The following CTNNA3 variants were observed in gnomAD, a reference collection of about 807,000 sequenced individuals.
CTNNA3 encodes catenin alpha 3.
A neutral mutation model predicts 95.7 loss-of-function variants in CTNNA3; 76 were observed. The ratio of observed to expected loss-of-function variants is 0.79; its 90% confidence interval spans 0.66 to 0.96. The LOEUF (loss-of-function observed/expected upper bound fraction) is 0.96. CTNNA3 is among the 40% of genes least tolerant of loss of function. The probability of loss-of-function intolerance (pLI) is 0.00; values close to 1 mark genes in which losing one functional copy is unlikely to be tolerated. For missense variants in CTNNA3, 1,191 were observed against 1,089.8 expected, an observed-to-expected ratio of 1.09 and a Z score of -1.31; for synonymous variants, 431 against 374.4, an observed-to-expected ratio of 1.15 and a Z score of -1.74.
chr10:66,870,417 A>G (rs1185154149), intron 7 of CTNNA3, among the ~76,000 whole-genome samples: 1 of 152,228 alleles, frequency 6.6e-6, no homozygotes, highest in Non-Finnish European at 1.5e-5. Flanking sequence ...ATCCTACACA[A>G]TCTAATATAA....
At chr10:66,443,037 G>C (rs2093387523) in intron 11 of CTNNA3, among the ~76,000 whole-genome samples, 1 of 152,174 alleles carries the variant, frequency 6.6e-6, no homozygotes, top group Non-Finnish European at 1.5e-5. Flanking sequence ...AGGGTCCTAT[G>C]CCCACAGAGT....
chr10:66,422,154 A>G (rs1262353128), intron 11 of CTNNA3, among the ~76,000 whole-genome samples: 2 of 152,006 alleles, frequency 1.3e-5, no homozygotes, highest in African/African-American at 4.8e-5. Context: ...TTACTTTATA[A>G]TCCTCAAGTT....
At chr10:66,253,664 T>G (rs2090647268) in intron 13 of CTNNA3, among the ~76,000 whole-genome samples, 1 of 152,166 alleles carries the variant, frequency 6.6e-6, no homozygotes, top group Non-Finnish European at 1.5e-5. Flanking sequence ...TTGCATTTTT[T>G]AGGTGTTCAA....
intron 12 of CTNNA3, among the ~76,000 whole-genome samples, chr10:66,332,132 A>C (rs2092338049): frequency 6.6e-6 from 1 of 152,022 alleles, no homozygotes. Context: ...CTATCAGCTT[A>C]AGGAGATTGT....
chr10:66,143,547 T>C (rs1233680240), intron 13 of CTNNA3, among the ~76,000 whole-genome samples: 1 of 152,174 alleles, frequency 6.6e-6, no homozygotes, highest in African/African-American at 2.4e-5. Flanking sequence ...AAAACTAAAA[T>C]GTTTAAAGCT....
intron 14 of CTNNA3, among the ~76,000 whole-genome samples, chr10:66,100,502 T>C (rs116118906): frequency 1.5e-3 from 236 of 152,330 alleles, no homozygotes; most frequent in African/African-American, 5.5e-3. Context: ...GTCAGGGATC[T>C]ATCTTGTCAC....
At chr10:66,326,085 A>G (rs1366462933) in intron 12 of CTNNA3, among the ~76,000 whole-genome samples, 1 of 152,140 alleles carries the variant, frequency 6.6e-6, no homozygotes, top group Non-Finnish European at 1.5e-5. Flanking sequence ...GCTCAATCCA[A>G]CTAATACAAG....
At chr10:66,820,457 T>A (rs993240892) in intron 7 of CTNNA3, among the ~76,000 whole-genome samples, 2 of 152,030 alleles carry the variant, frequency 1.3e-5, no homozygotes, top group East Asian at 1.9e-4. Context: ...ATTATACAAT[T>A]TAATGTGATG....
At chr10:66,604,788 C>CA (rs56886409) in intron 10 of CTNNA3, among the ~76,000 whole-genome samples, 34,806 of 135,854 alleles carry the variant, frequency 0.26, 5,760 homozygotes, top group East Asian at 0.49. Flanking sequence ...AGGATAAAAG[C>CA]AAAAAAAAAA....
intron 7 of CTNNA3, chr10:67,097,800 A>G (rs1219251035): frequency 2.5e-6 from 4 of 1,611,824 alleles, no homozygotes; most frequent in Non-Finnish European, 3.4e-6. Context: ...AGCTTAACTG[A>G]GATCATTGGT....
intron 7 of CTNNA3, among the ~76,000 whole-genome samples, chr10:66,947,294 T>C (rs1848322776): frequency 6.6e-6 from 1 of 152,178 alleles, no homozygotes; most frequent in African/African-American, 2.4e-5. Context: ...ATTTCTTGAG[T>C]TGTTCTGAGG....
chr10:66,966,921 C>T (rs1431597683), intron 7 of CTNNA3, among the ~76,000 whole-genome samples: 1 of 151,998 alleles, frequency 6.6e-6, no homozygotes, highest in Non-Finnish European at 1.5e-5. Context: ...GTTTCAAATT[C>T]AACTAAATGG....
chr10:67,089,715 A>ATGTGTGTGTG (rs775306401), intron 7 of CTNNA3, among the ~76,000 whole-genome samples: 2 of 93,264 alleles, frequency 2.1e-5, no homozygotes, highest in Non-Finnish European at 2.3e-5. Flanking sequence ...GTGTATATAC[A>ATGTGTGTGTG]TATGTGTGTG....
intron 9 of CTNNA3, among the ~76,000 whole-genome samples, chr10:66,752,196 T>C (rs770344046): frequency 6.6e-6 from 1 of 152,172 alleles, no homozygotes; most frequent in Non-Finnish European, 1.5e-5. Flanking sequence ...TTTCATAACT[T>C]ACTATAAAGT....
At chr10:66,217,072 A>G (rs1367157580) in intron 13 of CTNNA3, among the ~76,000 whole-genome samples, 1 of 152,150 alleles carries the variant, frequency 6.6e-6, no homozygotes, top group Non-Finnish European at 1.5e-5. Flanking sequence ...ATGGAGTCAT[A>G]CAGCCGGGCG....
intron 13 of CTNNA3, among the ~76,000 whole-genome samples, chr10:66,148,764 A>G (rs2084029318): frequency 6.6e-6 from 1 of 152,044 alleles, no homozygotes; most frequent in African/African-American, 2.4e-5. Context: ...TAGCAGCAGG[A>G]GCAGGTTCAG....
chr10:66,845,729 A>AAAAAAAAAAAAAAC (rs1297933220), intron 7 of CTNNA3, among the ~76,000 whole-genome samples: 7 of 87,762 alleles, frequency 8.0e-5, no homozygotes, highest in Non-Finnish European at 1.5e-4. Context: ...AAAAAAAAAA[A>AAAAAAAAAAAAAAC]CTAAAAAGGT....
intron 12 of CTNNA3, among the ~76,000 whole-genome samples, chr10:66,355,339 C>G (rs1189865995): frequency 1.3e-5 from 2 of 151,946 alleles, no homozygotes; most frequent in Non-Finnish European, 2.9e-5. Context: ...TTATGCAAAT[C>G]TTTAAAATGA....
chr10:67,320,369 T>A (rs550791375), intron 5 of CTNNA3, among the ~76,000 whole-genome samples: 1 of 152,230 alleles, frequency 6.6e-6, no homozygotes, highest in Non-Finnish European at 1.5e-5. Context: ...TTGTTATTAC[T>A]GTTAACTGAA....
Sources: gnomAD v4.1 joint callset for allele counts (sites outside exome capture counted in the v4.1 genomes callset) on GRCh38, gnomAD v4.1.1 for gene constraint, MANE v1.5 for transcripts, NCBI Gene and HGNC (gene_info 2026-07-23, HGNC 2026-07-21) for gene names.